Variants in LARP4B observed in about 807,000 individuals in gnomAD.
The protein encoded by LARP4B is La ribonucleoprotein 4B, also known as la-related protein 4B.
LARP4B carries 12 observed loss-of-function variants against 89.8 expected under a neutral mutation model. The ratio of observed to expected loss-of-function variants is 0.13; its 90% CI spans 0.09 to 0.22. The LOEUF (loss-of-function observed/expected upper bound fraction) is 0.22. LARP4B is among the 10% of genes least tolerant of loss of function. The probability of loss-of-function intolerance (pLI) is 1.00; values close to 1 mark genes in which losing one functional copy is unlikely to be tolerated. For missense variants in LARP4B, 757 were observed against 947.7 expected (o/e 0.80, Z 2.64); for synonymous variants, 367 against 363.3 (o/e 1.01, Z -0.12).
At chr10:895,206 G>A (rs1236677821) in intron 1 of LARP4B, among the ~76,000 whole-genome samples, 2 of 150,802 alleles carry the variant, frequency 1.3e-5, no homozygotes, top group Non-Finnish European at 3.0e-5. Flanking sequence ...ATAAAATAAC[G>A]TAAAATAAAA....
chr10:982,435 C>G, the LARP4B span, among the ~76,000 whole-genome samples: 1 of 152,068 alleles, frequency 6.6e-6, no homozygotes, highest in African/African-American at 2.4e-5. Flanking sequence ...TTGGACTAGA[C>G]CACATTTTCT....
At chr10:816,381 C>T (rs1832056838) in intron 15 of LARP4B, among the ~76,000 whole-genome samples, 1 of 152,342 alleles carries the variant, frequency 6.6e-6, no homozygotes, top group Non-Finnish European at 1.5e-5. Flanking sequence ...TTTCTGGAGC[C>T]TCCACCCCAC....
intron 1 of LARP4B, among the ~76,000 whole-genome samples, chr10:928,193 G>C (rs1181795029): frequency 6.6e-6 from 1 of 150,756 alleles, no homozygotes; most frequent in Non-Finnish European, 1.5e-5. Flanking sequence ...TTGCACTCCA[G>C]CTTGGGCGAC....
intron 1 of LARP4B, among the ~76,000 whole-genome samples, chr10:908,860 CG>C (rs5782566): frequency 0.016 from 2,447 of 151,864 alleles, 65 homozygotes; most frequent in African/African-American, 0.054. Context: ...GGCTGCAGCA[CG>C]GGGGGGGCCT....
chr10:866,052 C>T (rs1465300153), intron 3 of LARP4B, among the ~76,000 whole-genome samples: 9 of 152,152 alleles, frequency 5.9e-5, no homozygotes, highest in African/African-American at 2.2e-4. Context: ...GGTGATGGGG[C>T]TGGTAGTAAA....
At chr10:842,496 C>T (rs184564581) in intron 7 of LARP4B, among the ~76,000 whole-genome samples, 1 of 152,130 alleles carries the variant, frequency 6.6e-6, no homozygotes, top group East Asian at 1.9e-4. Context: ...ACACCTGGCC[C>T]ACAACATAAT....
chr10:881,630 T>C (rs1470159643), intron 3 of LARP4B, among the ~76,000 whole-genome samples: 2 of 152,212 alleles, frequency 1.3e-5, no homozygotes, highest in Non-Finnish European at 2.9e-5. Flanking sequence ...ACTGTAATCA[T>C]AACTATTGGT....
At chr10:821,632 G>A (rs976112798) in intron 13 of LARP4B, among the ~76,000 whole-genome samples, 2 of 152,192 alleles carry the variant, frequency 1.3e-5, no homozygotes, top group African/African-American at 2.4e-5. Context: ...ACTCCCCCAA[G>A]GGCCTTGTAT....
rs11253505 is a variant in LARP4B, at chr10:912,762, C to T, written c.-40+18666G>A. ...AAAATTAGCGGGGCATGGTGGCGTG[C>T]GCCTGTGGTCCCAGCTACTCGGGAG... On this transcript the variant is annotated intron_variant, in intron 1 of 17. Transcript: ENST00000316157. Among the ~76,000 whole-genome samples the T allele has an allele frequency of 5.4e-3, 815 of 150,918 alleles. 4 individuals are homozygous for T. Among genetic ancestry groups the T allele is most frequent in the Non-Finnish European group, 8.6e-3 (586 of 67,772 alleles).
chr10:930,772 A>G (rs1283625753), intron 1 of LARP4B, among the ~76,000 whole-genome samples: 1 of 152,130 alleles, frequency 6.6e-6, no homozygotes, highest in Non-Finnish European at 1.5e-5. Flanking sequence ...GGAGCGTTCC[A>G]AACACACACC....
intron 3 of LARP4B, among the ~76,000 whole-genome samples, chr10:867,273 A>G (rs1462444279): frequency 1.3e-5 from 2 of 152,096 alleles, no homozygotes; most frequent in Non-Finnish European, 2.9e-5. Flanking sequence ...CATTCTACGC[A>G]CTTCCTTGTA....
chr10:978,730 TG>T, the LARP4B span, among the ~76,000 whole-genome samples: 1 of 152,244 alleles, frequency 6.6e-6, no homozygotes, highest in Non-Finnish European at 1.5e-5. Context: ...ATATTACTAT[TG>T]TTTTTTATGC....
At chr10:896,241 C>T (rs1181667324) in intron 1 of LARP4B, among the ~76,000 whole-genome samples, 1 of 152,224 alleles carries the variant, frequency 6.6e-6, no homozygotes, top group Admixed American at 6.5e-5. Context: ...CAAAGTCAAA[C>T]CATTCTCAAA....
the LARP4B span, among the ~76,000 whole-genome samples, chr10:952,544 C>A: frequency 9.5e-6 from 1 of 105,296 alleles, no homozygotes; most frequent in African/African-American, 3.8e-5. Context: ...CAGCCCAGAA[C>A]CAACTGCATA....
At chr10:876,160 C>G (rs188997685) in intron 3 of LARP4B, among the ~76,000 whole-genome samples, 16 of 152,252 alleles carry the variant, frequency 1.1e-4, no homozygotes, top group African/African-American at 3.9e-4. Context: ...CCAAAGCAGG[C>G]GGATCACCTG....
At chr10:844,678 G>A (rs917126867) in intron 6 of LARP4B, among the ~76,000 whole-genome samples, 1 of 151,836 alleles carries the variant, frequency 6.6e-6, no homozygotes, top group African/African-American at 2.4e-5. Flanking sequence ...GAAACAACGT[G>A]GCACACTTGT....
chr10:887,300 CAAAAG>C (rs899649475), intron 1 of LARP4B, among the ~76,000 whole-genome samples: 1 of 151,318 alleles, frequency 6.6e-6, no homozygotes, highest in Non-Finnish European at 1.5e-5. Flanking sequence ...CTTACTAACA[CAAAAG>C]AAGGGTAAAA....
chr10:903,483 C>A lies in LARP4B; in HGVS notation c.-39-17723G>T, dbSNP rs188227579. The A allele has an allele frequency of 2.0e-5, 3 of 152,276 alleles. No homozygotes were observed. The East Asian group carries it at 5.8e-4, about 29-fold the overall frequency. The allele number at this position is 152,276 out of a possible 1,614,324, so 9.4% of individuals were successfully genotyped here. A position where few individuals can be genotyped will look rare whatever the true frequency, so the allele number is the denominator to read the frequency against. ...GTATTTTCTTGAGATTATTGATAGT[C>A]TCCATAAAAATCTTTGCTTCCTCTC... On this transcript the variant is annotated intron_variant, in intron 1 of 17. Coordinates refer to ENST00000316157, the MANE Select transcript of LARP4B (RefSeq NM_015155.3).
At chr10:829,291 A>G (rs2131657967) in intron 11 of LARP4B, 94 bp downstream of exon 11, 1 of 1,046,130 alleles carries the variant, frequency 9.6e-7, no homozygotes, top group Admixed American at 2.9e-5. Flanking sequence ...CAGACTGCAC[A>G]CATATCTGGC....
Sources: gnomAD v4.1 joint callset for allele counts (sites outside exome capture counted in the v4.1 genomes callset) on GRCh38, gnomAD v4.1.1 for gene constraint, MANE v1.5 for transcripts, NCBI Gene and HGNC (gene_info 2026-07-23, HGNC 2026-07-21) for gene names.